The following CTNND2 variants were observed in gnomAD, a reference collection of about 807,000 sequenced individuals.
CTNND2 encodes catenin delta-2.
Under a neutral mutation model 144.4 loss-of-function variants are expected in CTNND2, and 22 were observed. The ratio of observed to expected loss-of-function variants is 0.15; its 90% confidence interval spans 0.11 to 0.22. The LOEUF (loss-of-function observed/expected upper bound fraction) is 0.22. Among genes scored for constraint, CTNND2 ranks in the 10% least tolerant of loss-of-function variants. The pLI, the probability that CTNND2 is intolerant of heterozygous loss-of-function variation, is 1.00. For missense variants in CTNND2, 1,353 were observed against 1,618.8 expected, an observed-to-expected ratio of 0.84 and a Z score of 2.82; for synonymous variants, 751 against 695.6, an observed-to-expected ratio of 1.08 and a Z score of -1.25.
chr5:11,039,661 C>T (rs976807210), intron 16 of CTNND2, among the ~76,000 whole-genome samples: 53 of 152,234 alleles, frequency 3.5e-4, no homozygotes, highest in African/African-American at 1.3e-3. Context: ...TAAGAAGAGA[C>T]CAGCTGGAGC....
intron 1 of CTNND2, among the ~76,000 whole-genome samples, chr5:11,759,252 A>G (rs1462217017): frequency 2.0e-5 from 3 of 151,986 alleles, no homozygotes; most frequent in African/African-American, 2.4e-5. Flanking sequence ...ATTTTAATCA[A>G]TTAGGGATAT....
chr5:11,548,746 C>T (rs1003422892), intron 3 of CTNND2, among the ~76,000 whole-genome samples: 27 of 152,144 alleles, frequency 1.8e-4, no homozygotes, highest in African/African-American at 5.8e-4. Context: ...AAAAACCACT[C>T]GTTTCTTTAC....
chr5:11,585,023 G>A (rs1293915943), intron 2 of CTNND2, among the ~76,000 whole-genome samples: 1 of 152,150 alleles, frequency 6.6e-6, no homozygotes, highest in Non-Finnish European at 1.5e-5. Context: ...AAAACCCTAG[G>A]GAGAGCTGCG....
At chr5:11,772,736 C>G (rs747955058) in intron 1 of CTNND2, among the ~76,000 whole-genome samples, 3 of 152,172 alleles carry the variant, frequency 2.0e-5, no homozygotes, top group Non-Finnish European at 4.4e-5. Flanking sequence ...CAGATACAAG[C>G]AGTTCTTCTG....
intron 2 of CTNND2, among the ~76,000 whole-genome samples, chr5:11,574,555 ACT>A (rs1200861411): frequency 6.6e-6 from 1 of 152,048 alleles, no homozygotes; most frequent in Non-Finnish European, 1.5e-5. Context: ...ATCATTTCAC[ACT>A]CTCTTTTATT....
intron 3 of CTNND2, among the ~76,000 whole-genome samples, chr5:11,474,968 C>T (rs920640498): frequency 1.3e-5 from 2 of 152,212 alleles, no homozygotes; most frequent in Non-Finnish European, 2.9e-5. Context: ...TTCACATCTG[C>T]TCTGCAAAGC....
chr5:11,743,299 CTA>C (rs1788122331), intron 1 of CTNND2, among the ~76,000 whole-genome samples: 1 of 152,114 alleles, frequency 6.6e-6, no homozygotes, highest in African/African-American at 2.4e-5. Context: ...GAGCATTTCT[CTA>C]TGTGGCATTT....
At chr5:10,997,118 G>C (rs77816110) in intron 18 of CTNND2, among the ~76,000 whole-genome samples, 2 of 151,978 alleles carry the variant, frequency 1.3e-5, no homozygotes, top group African/African-American at 4.8e-5. Context: ...GAAGGGTGGG[G>C]GTGGTAGGTA....
At chr5:11,591,126 ACC>A (rs1779216834) in intron 2 of CTNND2, among the ~76,000 whole-genome samples, 1 of 152,170 alleles carries the variant, frequency 6.6e-6, no homozygotes, top group African/African-American at 2.4e-5. Context: ...CCATTATGTA[ACC>A]CTCAGAGGCA....
At chr5:11,068,315 G>A (rs1747840162) in intron 16 of CTNND2, among the ~76,000 whole-genome samples, 2 of 152,144 alleles carry the variant, frequency 1.3e-5, no homozygotes, top group Non-Finnish European at 2.9e-5. Context: ...TCAGGCTCAG[G>A]TGATTCCACC....
chr5:11,483,374 A>G (rs915194016), intron 3 of CTNND2, among the ~76,000 whole-genome samples: 2 of 152,146 alleles, frequency 1.3e-5, no homozygotes, highest in Non-Finnish European at 2.9e-5. Flanking sequence ...CCTGTCAGTG[A>G]GACTTCAGAG....
chr5:11,554,216 AT>A (rs1776021529), intron 3 of CTNND2, among the ~76,000 whole-genome samples: 1 of 152,206 alleles, frequency 6.6e-6, no homozygotes, highest in Admixed American at 6.5e-5. Context: ...TTTAATTTGC[AT>A]AAAAATAAAT....
At chr5:11,076,189 CA>C (rs1561265035) in intron 16 of CTNND2, among the ~76,000 whole-genome samples, 1 of 152,136 alleles carries the variant, frequency 6.6e-6, no homozygotes, top group African/African-American at 2.4e-5. Flanking sequence ...GGTTTCTTAT[CA>C]AATAGGTGCT....
At chr5:11,305,767 T>A (rs114620485) in intron 9 of CTNND2, among the ~76,000 whole-genome samples, 2,071 of 152,286 alleles carry the variant, frequency 0.014, 37 homozygotes, top group African/African-American at 0.048. Flanking sequence ...CTGACTTAGA[T>A]GGGCAGGTGG....
chr5:11,493,670 C>T (rs1029183201), intron 3 of CTNND2, among the ~76,000 whole-genome samples: 19 of 152,080 alleles, frequency 1.2e-4, no homozygotes. Context: ...AGAGCTGTTG[C>T]CTTACTTAGA....
chr5:11,647,255 C>T (rs753445223), intron 2 of CTNND2, among the ~76,000 whole-genome samples: 11 of 152,094 alleles, frequency 7.2e-5, no homozygotes, highest in East Asian at 1.9e-4. Flanking sequence ...ATTGCTAGTC[C>T]GGCAAAAAGT....
intron 16 of CTNND2, among the ~76,000 whole-genome samples, chr5:11,071,292 C>T (rs1269640686): frequency 6.6e-6 from 1 of 152,158 alleles, no homozygotes; most frequent in Non-Finnish European, 1.5e-5. Context: ...AATCCCAGCA[C>T]TCTGGGAGGT....
At chr5:11,453,942 T>C (rs1328549008) in intron 3 of CTNND2, among the ~76,000 whole-genome samples, 1 of 152,226 alleles carries the variant, frequency 6.6e-6, no homozygotes, top group Non-Finnish European at 1.5e-5. Context: ...CATTCTCTTA[T>C]GGAGTGTTAC....
intron 3 of CTNND2, among the ~76,000 whole-genome samples, chr5:11,499,402 C>T (rs1383122544): frequency 3.9e-5 from 6 of 152,166 alleles, no homozygotes; most frequent in African/African-American, 1.4e-4. Flanking sequence ...CAGACAATGG[C>T]AGGATTACCA....
Sources: gnomAD v4.1 joint callset for allele counts (sites outside exome capture counted in the v4.1 genomes callset) on GRCh38, gnomAD v4.1.1 for gene constraint, MANE v1.5 for transcripts, NCBI Gene and HGNC (gene_info 2026-07-23, HGNC 2026-07-21) for gene names.